NUDT21: variants seen among roughly 807,000 people sequenced by gnomAD.
The protein encoded by NUDT21 is nudix hydrolase 21, also known as cleavage and polyadenylation specificity factor subunit 5.
NUDT21 carries 5 observed loss-of-function variants against 29.8 expected under a neutral mutation model. That is an observed-to-expected ratio of 0.17 (90% CI 0.09 to 0.35). NUDT21 has a LOEUF of 0.35. Among genes scored for constraint, NUDT21 ranks in the 10% least tolerant of loss-of-function variants. The pLI is 1.00. For synonymous variants in NUDT21, 113 were observed against 98.5 expected (o/e 1.15, Z -0.87); for missense variants, 76 against 276.0 (o/e 0.28, Z 5.13).
intron 4 of NUDT21, among the ~76,000 whole-genome samples, chr16:56,435,409 C>T (rs1316196726): frequency 5.9e-5 from 9 of 151,790 alleles, no homozygotes; most frequent in African/African-American, 1.9e-4. Context: ...CCACCATGCC[C>T]AGCCTAAAAG....
intron 3 of NUDT21, among the ~76,000 whole-genome samples, chr16:56,442,438 C>G (rs1962170551): frequency 1.3e-5 from 2 of 152,196 alleles, no homozygotes; most frequent in Non-Finnish European, 2.9e-5. Flanking sequence ...AGACAACACT[C>G]CACCATCCCT....
At chr16:56,435,743 TTATATATATATATATA>T (rs777245596) in intron 4 of NUDT21, among the ~76,000 whole-genome samples, 430 of 27,054 alleles carry the variant, frequency 0.016, 24 homozygotes, top group Middle Eastern at 0.031. Flanking sequence ...AAAAAAAAAA[TTATATATATATATATA>T]TATATATATA....
In NUDT21 at chr16:56,435,474, C is replaced by T. The variant is rs528070945; in HGVS notation, c.472-645G>A. Among the ~76,000 whole-genome samples, 11 of 151,100 alleles carry T rather than the reference C, an allele frequency of 7.3e-5. No homozygotes were observed. The East Asian group carries it at 1.4e-3, about 19-fold the overall frequency. ...GGGCACAGTGGCTCACGCCTGTAAT[C>T]GCAGCACTTTGGGAGGCCAAGGCAG... On this transcript the variant is annotated intron_variant, in intron 4 of 6. Coordinates refer to ENST00000300291, the MANE Select transcript of NUDT21 (RefSeq NM_007006.3).
intron 6 of NUDT21, among the ~76,000 whole-genome samples, chr16:56,433,126 TG>T (rs1348695869): frequency 6.6e-6 from 1 of 152,208 alleles, no homozygotes; most frequent in African/African-American, 2.4e-5. Flanking sequence ...CATTTCAACT[TG>T]TAACCTATCA....
chr16:56,445,361 G>GT (rs1338587411), intron 3 of NUDT21, among the ~76,000 whole-genome samples: 2 of 152,120 alleles, frequency 1.3e-5, no homozygotes, highest in African/African-American at 4.8e-5. Context: ...CATGCAATGC[G>GT]TAATATTCAC....
chr16:56,451,039 T>C (rs756524349), intron 1 of NUDT21, 48 bp downstream of exon 1: 13 of 1,520,934 alleles, frequency 8.5e-6, no homozygotes, highest in Middle Eastern at 1.7e-4. Flanking sequence ...GGAGAGTCTA[T>C]AGGAGCTTTC....
chr16:56,449,767 G>C (rs1214736656), intron 1 of NUDT21, among the ~76,000 whole-genome samples: 2 of 152,042 alleles, frequency 1.3e-5, no homozygotes, highest in Non-Finnish European at 2.9e-5. Flanking sequence ...TTTACCATTT[G>C]ATGGATTTTT....
intron 1 of NUDT21, among the ~76,000 whole-genome samples, chr16:56,449,900 C>T (rs1962264818): frequency 6.6e-6 from 1 of 152,138 alleles, no homozygotes; most frequent in African/African-American, 2.4e-5. Flanking sequence ...AGTCGTGAGC[C>T]GCCACTCCTG....
chr16:56,436,846 C>G (rs1356409044), intron 4 of NUDT21, among the ~76,000 whole-genome samples: 3 of 105,438 alleles, frequency 2.8e-5, no homozygotes, highest in African/African-American at 1.3e-4. Flanking sequence ...AATACACTTA[C>G]CTTATGTCAA....
At chr16:56,444,979 T>G (rs544504410) in intron 3 of NUDT21, among the ~76,000 whole-genome samples, 3 of 152,106 alleles carry the variant, frequency 2.0e-5, no homozygotes, top group African/African-American at 7.2e-5. Context: ...AGGTTAGGAG[T>G]TCTAGACCAG....
chr16:56,435,753 A>ATATG (rs1278826391), intron 4 of NUDT21, among the ~76,000 whole-genome samples: 3 of 67,330 alleles, frequency 4.5e-5, no homozygotes, highest in Admixed American at 2.7e-4. Flanking sequence ...TTATATATAT[A>ATATG]TATATATATA....
At chr16:56,435,337 C>G (rs1168094971) in intron 4 of NUDT21, 2 of 152,456 alleles carry the variant, frequency 1.3e-5, no homozygotes, top group African/African-American at 4.8e-5. Context: ...TAGTCTTGAA[C>G]TCCCGACCTC....
At chr16:56,450,337 G>A (rs1274044342) in intron 1 of NUDT21, among the ~76,000 whole-genome samples, 3 of 152,204 alleles carry the variant, frequency 2.0e-5, no homozygotes, top group African/African-American at 4.8e-5. Context: ...GAAATGCAAT[G>A]GTTTGAAGTG....
At chr16:56,444,921 T>G (rs1459958892) in intron 3 of NUDT21, among the ~76,000 whole-genome samples, 7 of 151,998 alleles carry the variant, frequency 4.6e-5, no homozygotes, top group Non-Finnish European at 1.5e-5. Flanking sequence ...TGGTGGCTCA[T>G]GCCTGTAATC....
chr16:56,436,815 T>A (rs1369171878), intron 4 of NUDT21, among the ~76,000 whole-genome samples: 1 of 151,394 alleles, frequency 6.6e-6, no homozygotes, highest in Non-Finnish European at 1.5e-5. Flanking sequence ...TAACTAATAC[T>A]CTAGGCTTCC....
intron 4 of NUDT21, among the ~76,000 whole-genome samples, chr16:56,437,691 T>G (rs1315922962): frequency 6.6e-6 from 1 of 152,128 alleles, no homozygotes; most frequent in Non-Finnish European, 1.5e-5. Context: ...TGTAAAAAGA[T>G]CAATAACATG....
intron 6 of NUDT21, among the ~76,000 whole-genome samples, chr16:56,434,056 C>G (rs1447571989): frequency 6.6e-6 from 1 of 152,184 alleles, no homozygotes; most frequent in African/African-American, 2.4e-5. Context: ...TTAACCATCT[C>G]TTTTTTGAAT....
intron 1 of NUDT21, among the ~76,000 whole-genome samples, chr16:56,448,706 C>T (rs1370068452): frequency 6.6e-6 from 1 of 152,126 alleles, no homozygotes; most frequent in Non-Finnish European, 1.5e-5. Context: ...CAGTTTTCAT[C>T]TTGCCTAATA....
At chr16:56,435,549 A>G (rs1354920639) in intron 4 of NUDT21, among the ~76,000 whole-genome samples, 1 of 149,864 alleles carries the variant, frequency 6.7e-6, no homozygotes, top group Non-Finnish European at 1.5e-5. Context: ...GCACAGTGAA[A>G]TCCCGTCTCT....
Sources: gnomAD v4.1 joint callset for allele counts (sites outside exome capture counted in the v4.1 genomes callset) on GRCh38, gnomAD v4.1.1 for gene constraint, MANE v1.5 for transcripts, NCBI Gene and HGNC (gene_info 2026-07-23, HGNC 2026-07-21) for gene names.